Variants in SEMA6A observed in about 807,000 individuals in gnomAD.
SEMA6A encodes semaphorin 6A, also known as semaphorin-6A.
Under a neutral mutation model 96.8 loss-of-function variants are expected in SEMA6A, and 25 were observed. That is an observed-to-expected ratio of 0.26 (90% CI 0.19 to 0.36). The LOEUF (loss-of-function observed/expected upper bound fraction) is 0.36. Ranked by LOEUF, SEMA6A falls within the 10% of genes least tolerant of loss-of-function variation. The probability of loss-of-function intolerance (pLI) is 1.00; values close to 1 mark genes in which losing one functional copy is unlikely to be tolerated. For missense variants in SEMA6A, 1,363 were observed against 1,323.1 expected (o/e 1.03, Z -0.47); for synonymous variants, 612 against 518.0 (o/e 1.18, Z -2.46).
At chr5:116,452,320 T>C (rs1754688393) in intron 18 of SEMA6A, among the ~76,000 whole-genome samples, 1 of 152,208 alleles carries the variant, frequency 6.6e-6, no homozygotes, top group Non-Finnish European at 1.5e-5. Context: ...GGTTAGTCTT[T>C]CCACCTTCCT....
At chr5:116,521,795 C>A (rs154577) in intron 1 of SEMA6A, among the ~76,000 whole-genome samples, 47,028 of 151,526 alleles carry the variant, frequency 0.31, 8,555 homozygotes, top group East Asian at 0.58. Context: ...AGAAAGAGAT[C>A]ATTTTTGTTT....
intron 2 of SEMA6A, among the ~76,000 whole-genome samples, chr5:116,503,371 C>T (rs1561502121): frequency 6.6e-6 from 1 of 152,164 alleles, no homozygotes; most frequent in Non-Finnish European, 1.5e-5. Context: ...ATAAGACAAT[C>T]TTGTGCTTTC....
chr5:116,497,931 T>A (rs1277779739), intron 3 of SEMA6A, among the ~76,000 whole-genome samples: 1 of 152,214 alleles, frequency 6.6e-6, no homozygotes, highest in African/African-American at 2.4e-5. Flanking sequence ...GCCACTCTTT[T>A]CCCTCATAAT....
At chr5:116,456,631 G>A (rs1353830224) in intron 18 of SEMA6A, among the ~76,000 whole-genome samples, 1 of 152,174 alleles carries the variant, frequency 6.6e-6, no homozygotes, top group African/African-American at 2.4e-5. Flanking sequence ...GGAAGACTTG[G>A]AGGAGAATTT....
chr5:116,517,474 A>G (rs1337592541), intron 1 of SEMA6A, among the ~76,000 whole-genome samples: 1 of 152,204 alleles, frequency 6.6e-6, no homozygotes, highest in African/African-American at 2.4e-5. Flanking sequence ...TTTAAAAAAA[A>G]AAGTAATCTG....
At chr5:116,452,881 T>C (rs1754732630) in intron 18 of SEMA6A, among the ~76,000 whole-genome samples, 1 of 152,206 alleles carries the variant, frequency 6.6e-6, no homozygotes, top group African/African-American at 2.4e-5. Context: ...TACCAAGCAC[T>C]GCACTAGGTG....
intron 1 of SEMA6A, among the ~76,000 whole-genome samples, chr5:116,566,008 G>C (rs1761011266): frequency 6.8e-6 from 1 of 146,544 alleles, no homozygotes; most frequent in Non-Finnish European, 1.5e-5. Flanking sequence ...AATAGGAACA[G>C]GGAAAGAAGA....
chr5:116,491,050 C>T (rs1268552308), intron 7 of SEMA6A, among the ~76,000 whole-genome samples: 2 of 152,164 alleles, frequency 1.3e-5, no homozygotes, highest in Non-Finnish European at 2.9e-5. Flanking sequence ...AATTAGCACC[C>T]TCCCCTCACC....
At chr5:116,471,885 CT>C (rs765701232) in intron 17 of SEMA6A, among the ~76,000 whole-genome samples, 7 of 152,142 alleles carry the variant, frequency 4.6e-5, no homozygotes, top group Non-Finnish European at 7.4e-5. Flanking sequence ...GCATTGCTTT[CT>C]TTTCCTTCCC....
At chr5:116,479,924 T>G (rs1756666199) in intron 12 of SEMA6A, among the ~76,000 whole-genome samples, 198 bp downstream of exon 12, 2 of 152,114 alleles carry the variant, frequency 1.3e-5, no homozygotes, top group African/African-American at 2.4e-5. Context: ...AGCCTGAAAA[T>G]ATTGGAACTC....
chr5:116,500,484 C>T (rs1757823372), intron 3 of SEMA6A, among the ~76,000 whole-genome samples: 1 of 152,190 alleles, frequency 6.6e-6, no homozygotes, highest in Non-Finnish European at 1.5e-5. Flanking sequence ...ATGTGCAGAG[C>T]ATACTAGTTG....
intron 1 of SEMA6A, among the ~76,000 whole-genome samples, chr5:116,553,916 T>G (rs1345877212): frequency 6.6e-6 from 1 of 152,166 alleles, no homozygotes; most frequent in Non-Finnish European, 1.5e-5. Flanking sequence ...ACTGATAAAA[T>G]GTGTCCAGCC....
chr5:116,551,105 A>G (rs1760384940), intron 1 of SEMA6A, among the ~76,000 whole-genome samples: 1 of 152,146 alleles, frequency 6.6e-6, no homozygotes, highest in Non-Finnish European at 1.5e-5. Context: ...GGCTTTATGG[A>G]ATTCATAAAG....
intron 1 of SEMA6A, among the ~76,000 whole-genome samples, chr5:116,560,375 C>A (rs539354797): frequency 4.6e-5 from 7 of 151,988 alleles, no homozygotes; most frequent in African/African-American, 1.7e-4. Context: ...ACTAGTTCAT[C>A]GCTGCATCTC....
intron 18 of SEMA6A, among the ~76,000 whole-genome samples, chr5:116,453,172 G>C (rs1056028027): frequency 2.0e-5 from 3 of 152,174 alleles, no homozygotes; most frequent in African/African-American, 7.2e-5. Context: ...TAGTCTGTTA[G>C]GCTGGAGGCA....
At chr5:116,541,289 G>A (rs891254286) in intron 1 of SEMA6A, among the ~76,000 whole-genome samples, 2 of 152,092 alleles carry the variant, frequency 1.3e-5, no homozygotes, top group Admixed American at 6.5e-5. Flanking sequence ...TAAACCTACT[G>A]TGTCAGTTTT....
chr5:116,472,988 G>T, intron 17 of SEMA6A, 85 bp downstream of exon 17: 1 of 1,521,288 alleles, frequency 6.6e-7, no homozygotes, highest in South Asian at 1.3e-5. Flanking sequence ...CTTAAGATTT[G>T]AACATACTCA....
At chr5:116,500,070 C>G (rs1244288646) in intron 3 of SEMA6A, among the ~76,000 whole-genome samples, 1 of 152,136 alleles carries the variant, frequency 6.6e-6, no homozygotes, top group Non-Finnish European at 1.5e-5. Flanking sequence ...ATGTCATTTT[C>G]CAACCCTATT....
chr5:116,544,052 C>T (rs1218336113), intron 1 of SEMA6A, among the ~76,000 whole-genome samples: 4 of 152,132 alleles, frequency 2.6e-5, no homozygotes, highest in South Asian at 4.2e-4. Context: ...TTCTCTTTGG[C>T]CCCTAATGAA....
Sources: gnomAD v4.1 joint callset for allele counts (sites outside exome capture counted in the v4.1 genomes callset) on GRCh38, gnomAD v4.1.1 for gene constraint, MANE v1.5 for transcripts, NCBI Gene and HGNC (gene_info 2026-07-23, HGNC 2026-07-21) for gene names.